Variants in TMEM132D observed in about 807,000 individuals in gnomAD.
TMEM132D encodes the protein mature OL transmembrane protein.
A neutral mutation model predicts 62.3 loss-of-function variants in TMEM132D; 21 were observed. The observed-to-expected ratio is 0.34, with a 90% confidence interval of 0.24 to 0.49. The LOEUF (loss-of-function observed/expected upper bound fraction) is 0.49, where lower values mean the gene tolerates loss of function less well. Ranked by LOEUF, TMEM132D falls within the 20% of genes least tolerant of loss-of-function variation. The pLI is 0.99. For synonymous variants in TMEM132D, 621 were observed against 575.6 expected (o/e 1.08, Z -1.13); for missense variants, 1,346 against 1,402.8 (o/e 0.96, Z 0.65).
At chr12:129,690,762 T>G (rs1303971810) in intron 2 of TMEM132D, among the ~76,000 whole-genome samples, 1 of 152,146 alleles carries the variant, frequency 6.6e-6, no homozygotes, top group East Asian at 1.9e-4. Flanking sequence ...AACTTAGCAC[T>G]CCTCTGTGAG....
At chr12:129,157,417 A>G (rs1433354022) in intron 5 of TMEM132D, among the ~76,000 whole-genome samples, 1 of 152,250 alleles carries the variant, frequency 6.6e-6, no homozygotes, top group Non-Finnish European at 1.5e-5. Context: ...CTGCCTCAGT[A>G]CATTCCTATT....
At chr12:129,833,958 A>G (rs1423598913) in intron 1 of TMEM132D, among the ~76,000 whole-genome samples, 4 of 152,070 alleles carry the variant, frequency 2.6e-5, no homozygotes, top group African/African-American at 7.2e-5. Context: ...TCACTTTCAA[A>G]TGTGCTCTCC....
intron 4 of TMEM132D, among the ~76,000 whole-genome samples, chr12:129,257,965 C>T (rs1880452380): frequency 6.6e-6 from 1 of 152,168 alleles, no homozygotes; most frequent in African/African-American, 2.4e-5. Context: ...ATCACAGAAG[C>T]CTTTTTTGCT....
intron 5 of TMEM132D, among the ~76,000 whole-genome samples, chr12:129,114,001 G>A (rs1259717493): frequency 6.6e-6 from 1 of 152,096 alleles, no homozygotes; most frequent in Non-Finnish European, 1.5e-5. Flanking sequence ...TCTGGGAAGT[G>A]CCTGGAGACC....
At chr12:129,679,808 CTTT>C (rs1348871938) in intron 2 of TMEM132D, among the ~76,000 whole-genome samples, 1 of 151,726 alleles carries the variant, frequency 6.6e-6, no homozygotes, top group Non-Finnish European at 1.5e-5. Context: ...TAAGAAGTTG[CTTT>C]TTTGTTTTTC....
chr12:129,091,827 T>C (rs1241407607), intron 5 of TMEM132D, among the ~76,000 whole-genome samples: 1 of 152,234 alleles, frequency 6.6e-6, no homozygotes, highest in Non-Finnish European at 1.5e-5. Context: ...CTGAGATGTG[T>C]TCCTCCAACA....
chr12:129,719,819 A>G (rs538188125), intron 1 of TMEM132D, among the ~76,000 whole-genome samples: 75 of 152,228 alleles, frequency 4.9e-4, no homozygotes, highest in Non-Finnish European at 9.6e-4. Flanking sequence ...TCACCCTGAC[A>G]GAGAAAATAT....
chr12:129,520,607 G>A (rs1338223087), intron 3 of TMEM132D, among the ~76,000 whole-genome samples: 2 of 152,140 alleles, frequency 1.3e-5, no homozygotes, highest in African/African-American at 4.8e-5. Flanking sequence ...GATTGTTATT[G>A]TCAGAGTTTC....
chr12:129,270,341 C>A (rs184795908), intron 4 of TMEM132D, among the ~76,000 whole-genome samples: 44 of 152,272 alleles, frequency 2.9e-4, no homozygotes, highest in African/African-American at 9.9e-4. Flanking sequence ...ACACAGGGTA[C>A]CACTTGAGTT....
At chr12:129,649,488 C>G (rs1156334067) in intron 2 of TMEM132D, among the ~76,000 whole-genome samples, 1 of 152,264 alleles carries the variant, frequency 6.6e-6, no homozygotes, top group East Asian at 1.9e-4. Context: ...ATACTCCCCA[C>G]CACTCTACCA....
chr12:129,348,918 G>A (rs1424227899), intron 3 of TMEM132D, among the ~76,000 whole-genome samples: 1 of 152,130 alleles, frequency 6.6e-6, no homozygotes, highest in African/African-American at 2.4e-5. Flanking sequence ...CCTTGATGTG[G>A]CAGGTAAGAA....
chr12:129,467,120 GATAAA>G (rs1873935470), intron 3 of TMEM132D, among the ~76,000 whole-genome samples: 2 of 152,072 alleles, frequency 1.3e-5, no homozygotes, highest in South Asian at 2.1e-4. Context: ...AAGTCCAACA[GATAAA>G]ATAAGTACTG....
chr12:129,101,650 G>T lies in TMEM132D; in HGVS notation c.1444-16948C>A, dbSNP rs1028837133. Among the ~76,000 whole-genome samples the T allele has an allele frequency of 2.0e-5, 3 of 152,304 alleles. No individual in the cohort carries two copies. In the South Asian group the frequency reaches 6.2e-4, roughly 32 times the overall value. ...TAAGCTGCAGATCTCGGGTTTGGAG[G>T]CAGGCTTTCTGGCGGAGGCTTTCTC... On this transcript the variant is annotated intron_variant, in intron 5 of 8. Coordinates refer to ENST00000422113, the MANE Select transcript of TMEM132D (RefSeq NM_133448.3).
At chr12:129,121,816 C>T (rs1031368537) in intron 5 of TMEM132D, among the ~76,000 whole-genome samples, 13 of 152,196 alleles carry the variant, frequency 8.5e-5, no homozygotes, top group South Asian at 2.1e-4. Context: ...GGACATTGGA[C>T]GAGGTGTAGA....
intron 2 of TMEM132D, among the ~76,000 whole-genome samples, chr12:129,602,433 G>A (rs1004437888): frequency 6.6e-6 from 1 of 151,772 alleles, no homozygotes; most frequent in Admixed American, 6.6e-5. Context: ...TGGAGAAAAG[G>A]CAATGGTAAT....
intron 3 of TMEM132D, among the ~76,000 whole-genome samples, chr12:129,439,467 G>A (rs767453629): frequency 3.3e-5 from 5 of 151,892 alleles, no homozygotes; most frequent in South Asian, 2.1e-4. Flanking sequence ...TTTTTGAGAC[G>A]GAGACGGAAT....
At chr12:129,197,264 C>A (rs1878575309) in intron 5 of TMEM132D, among the ~76,000 whole-genome samples, 1 of 152,164 alleles carries the variant, frequency 6.6e-6, no homozygotes, top group Admixed American at 6.5e-5. Context: ...CAATACTCAA[C>A]AGGTAAACAT....
chr12:129,472,406 G>A (rs1874118091), intron 3 of TMEM132D, among the ~76,000 whole-genome samples: 1 of 152,128 alleles, frequency 6.6e-6, no homozygotes, highest in Non-Finnish European at 1.5e-5. Context: ...GACACAGAGG[G>A]GAACATCACA....
intron 3 of TMEM132D, among the ~76,000 whole-genome samples, chr12:129,527,124 C>T (rs545486468): frequency 4.6e-5 from 7 of 152,208 alleles, no homozygotes; most frequent in South Asian, 4.1e-4. Context: ...GCTTGGGCAA[C>T]GGGGCAAAAC....
Sources: gnomAD v4.1 joint callset for allele counts (sites outside exome capture counted in the v4.1 genomes callset) on GRCh38, gnomAD v4.1.1 for gene constraint, MANE v1.5 for transcripts, NCBI Gene and HGNC (gene_info 2026-07-23, HGNC 2026-07-21) for gene names.